Variants in EYA4 observed in about 807,000 individuals in gnomAD.
The protein encoded by EYA4 is protein phosphatase EYA4.
In EYA4, 31 loss-of-function variants were observed where a neutral mutation model predicts 87.9. The ratio of observed to expected loss-of-function variants is 0.35; its 90% CI spans 0.27 to 0.48. The LOEUF (loss-of-function observed/expected upper bound fraction) is 0.48, where lower values mean the gene tolerates loss of function less well. Among genes scored for constraint, EYA4 ranks in the 20% least tolerant of loss-of-function variants. The pLI is 0.99. For synonymous variants in EYA4, 263 were observed against 270.6 expected, an observed-to-expected ratio of 0.97 and a Z score of 0.28; for missense variants, 678 against 761.4, an observed-to-expected ratio of 0.89 and a Z score of 1.29.
chr6:133,488,019 G>T (rs1228148823), intron 13 of EYA4, among the ~76,000 whole-genome samples: 1 of 152,146 alleles, frequency 6.6e-6, no homozygotes, highest in East Asian at 1.9e-4. Flanking sequence ...TGAAGGGAGA[G>T]CCCTAGGCAT....
At chr6:133,447,513 C>T (rs942196726) in intron 4 of EYA4, among the ~76,000 whole-genome samples, 5 of 151,956 alleles carry the variant, frequency 3.3e-5, no homozygotes, top group African/African-American at 1.2e-4. Context: ...TTTGTAGATC[C>T]ATCTAGCCAA....
In EYA4 at chr6:133,529,522, G is replaced by GA. The variant is rs1368384338; in HGVS notation, c.*725dup. ...TTTGGTTAAAATCTCTGTAGATAAT[G>GA]AAAAAAAACAAAAAAAAAAACCTTT... On this transcript the variant is annotated 3_prime_UTR_variant, in exon 20 of 20. Coordinates refer to ENST00000355286, the MANE Select transcript of EYA4 (RefSeq NM_004100.5). The GA allele has an allele frequency of 0.039, 33,332 of 859,544 alleles. 582 individuals carry two copies. The highest frequency in any genetic ancestry group is 0.055 in the Middle Eastern group (85 of 1,536). 53.2% of individuals were successfully genotyped at this position (859,544 alleles called of 1,614,324 possible). A position where few individuals can be genotyped will look rare whatever the true frequency, so the allele number is the denominator to read the frequency against.
chr6:133,299,947 C>CTATA (rs558838503), intron 2 of EYA4, among the ~76,000 whole-genome samples: 54 of 140,306 alleles, frequency 3.8e-4, no homozygotes, highest in Middle Eastern at 7.4e-3. Context: ...ATCTATCTAT[C>CTATA]TATCTATCTA....
intron 3 of EYA4, among the ~76,000 whole-genome samples, chr6:133,414,910 ATATACT>A (rs1254057769): frequency 6.6e-6 from 1 of 152,242 alleles, no homozygotes; most frequent in African/African-American, 2.4e-5. Flanking sequence ...ACTTTTATTG[ATATACT>A]TAGAGAATAA....
At chr6:133,320,811 A>G (rs940306474) in intron 2 of EYA4, among the ~76,000 whole-genome samples, 1 of 152,172 alleles carries the variant, frequency 6.6e-6, no homozygotes, top group Non-Finnish European at 1.5e-5. Context: ...ACTTAGGATA[A>G]TGACCTCCAG....
At chr6:133,487,568 A>G (rs1258816637) in intron 13 of EYA4, among the ~76,000 whole-genome samples, 1 of 152,188 alleles carries the variant, frequency 6.6e-6, no homozygotes, top group Non-Finnish European at 1.5e-5. Context: ...CACCAGGCAG[A>G]GTCCTGAGGC....
intron 3 of EYA4, among the ~76,000 whole-genome samples, chr6:133,419,420 C>T (rs911018360): frequency 5.3e-5 from 8 of 152,162 alleles, no homozygotes; most frequent in African/African-American, 1.7e-4. Context: ...GTCTGTTTGT[C>T]GTCACTAGGC....
chr6:133,480,515 A>G (rs1246381348), intron 11 of EYA4, among the ~76,000 whole-genome samples: 2 of 152,184 alleles, frequency 1.3e-5, no homozygotes, highest in African/African-American at 4.8e-5. Context: ...GTGGACTGAG[A>G]TCCAGTATAA....
At chr6:133,356,588 C>T (rs1248230992) in intron 2 of EYA4, among the ~76,000 whole-genome samples, 3 of 151,936 alleles carry the variant, frequency 2.0e-5, no homozygotes, top group Non-Finnish European at 4.4e-5. Context: ...AGTGTCTACT[C>T]AGTTACAGAT....
intron 2 of EYA4, among the ~76,000 whole-genome samples, chr6:133,351,994 A>G (rs2128426913): frequency 7.3e-6 from 1 of 137,214 alleles, no homozygotes; most frequent in Non-Finnish European, 1.5e-5. Flanking sequence ...AGAAAAAAAA[A>G]AAAACAGGAG....
intron 13 of EYA4, chr6:133,502,810 T>C (rs763396328): frequency 3.3e-5 from 5 of 151,990 alleles, no homozygotes; most frequent in Non-Finnish European, 7.3e-5. Context: ...CCCTGGCCCA[T>C]CTGTGCCAAG....
chr6:133,386,134 AAAAC>A (rs1352224054), intron 3 of EYA4, among the ~76,000 whole-genome samples: 3 of 152,212 alleles, frequency 2.0e-5, no homozygotes, highest in African/African-American at 7.2e-5. Context: ...ATTTATGAGA[AAAAC>A]AAAATTAATA....
Position 133,486,276 on chromosome 6 carries a change from G to A in EYA4, c.1191+3161G>A, listed in dbSNP as rs139975923. ...TTTACTTAATGTAATTCAGAAAATC[G>A]GCACTGCCTTTTAGCCAGTAATAAA... On this transcript the variant is annotated intron_variant, in intron 13 of 19. Transcript: ENST00000355286. Among the ~76,000 whole-genome samples the A allele has an allele frequency of 2.9e-4, 44 of 151,662 alleles. No individual in the cohort carries two copies. The East Asian group carries it at 4.6e-3, about 16-fold the overall frequency.
chr6:133,477,346 T>C (rs1795833323), intron 11 of EYA4, among the ~76,000 whole-genome samples: 1 of 152,284 alleles, frequency 6.6e-6, no homozygotes, highest in East Asian at 1.9e-4. Context: ...GTAGTTTTAA[T>C]TTGCATTTCT....
chr6:133,359,744 T>C (rs1784323284), intron 2 of EYA4, among the ~76,000 whole-genome samples: 1 of 152,198 alleles, frequency 6.6e-6, no homozygotes, highest in African/African-American at 2.4e-5. Flanking sequence ...CATAAAGTTG[T>C]TGATGTCTGA....
intron 2 of EYA4, among the ~76,000 whole-genome samples, chr6:133,354,127 A>C (rs756666779): frequency 6.6e-6 from 1 of 152,146 alleles, no homozygotes; most frequent in Non-Finnish European, 1.5e-5. Flanking sequence ...TATTTTTAGA[A>C]AATTGCAGAC....
Position 133,307,213 on chromosome 6 carries a change from G to A in EYA4, c.33+32400G>A, listed in dbSNP as rs758968795. 5.9e-5 allele frequency among the ~76,000 whole-genome samples: 9 copies of A among 152,130 alleles called. No individual in the cohort carries two copies. In the East Asian group the frequency reaches 1.2e-3, roughly 20 times the overall value. On this transcript the variant is annotated intron_variant, in intron 2 of 19. Transcript: ENST00000355286. ...ACGGTTTGAAAGAATTCCAACATCC[G>A]TCTTAGCTCCCTGAGGTTTTGAGTG...
intron 2 of EYA4, among the ~76,000 whole-genome samples, chr6:133,305,791 T>C (rs1779759058): frequency 1.3e-5 from 2 of 152,182 alleles, no homozygotes; most frequent in African/African-American, 4.8e-5. Context: ...GACCACAGAA[T>C]TGGTAACTGG....
chr6:133,530,902 A>T lies in EYA4; in HGVS notation c.*2097A>T. 1 of 1,094,766 alleles carries T rather than the reference A, an allele frequency of 9.1e-7. No individual in the cohort carries two copies. The highest frequency in any genetic ancestry group is 1.1e-6 in the Non-Finnish European group (1 of 900,164). The allele number at this position is 1,094,766 out of a possible 1,614,324, so 67.8% of individuals were successfully genotyped here. Reference sequence around the variant, plus strand: ...GCCCTTAGCTTGAAAATAGCAGTTAAAAAAATTTAAATGTTGCCTTGATTA... The same window carrying T: ...GCCCTTAGCTTGAAAATAGCAGTTATAAAAATTTAAATGTTGCCTTGATTA... On this transcript the variant is annotated 3_prime_UTR_variant, in exon 20 of 20. Transcript: ENST00000355286.
Sources: allele counts gnomAD v4.1 joint callset (sites outside exome capture counted in the v4.1 genomes callset), GRCh38; gene constraint gnomAD v4.1.1; transcripts MANE v1.5; gene names NCBI Gene and HGNC (gene_info 2026-07-23, HGNC 2026-07-21).